The following IL7 variants were observed in gnomAD, a reference collection of about 807,000 sequenced individuals.
IL7 encodes the protein interleukin-7.
In IL7, 3 loss-of-function variants were observed where a neutral mutation model predicts 21.6. The observed-to-expected ratio is 0.14, with a 90% confidence interval of 0.06 to 0.36. IL7 has a LOEUF of 0.36. IL7 is among the 10% of genes least tolerant of loss of function. The probability of loss-of-function intolerance (pLI) is 1.00; values close to 1 mark genes in which losing one functional copy is unlikely to be tolerated. For synonymous variants in IL7, 62 were observed against 68.1 expected (o/e 0.91, Z 0.44); for missense variants, 175 against 200.2 (o/e 0.87, Z 0.76).
At chr8:78,721,772 G>C (rs2919936) in intron 3 of IL7, among the ~76,000 whole-genome samples, 98,401 of 151,188 alleles carry the variant, frequency 0.65, 33,741 homozygotes, top group East Asian at 0.9. Context: ...TTAAATTTAC[G>C]TTAAAAGCCT....
At chr8:78,727,900 ATAAG>A (rs1477208518), downstream of IL7, among the ~76,000 whole-genome samples, 1 of 151,990 alleles carries the variant, frequency 6.6e-6, no homozygotes, top group African/African-American at 2.4e-5. Flanking sequence ...GCTACAACTA[ATAAG>A]TGAGTTTAAT....
intron 3 of IL7, among the ~76,000 whole-genome samples, chr8:78,724,741 C>A (rs904274141): frequency 2.6e-5 from 4 of 151,984 alleles, no homozygotes; most frequent in African/African-American, 9.7e-5. Context: ...TAGCTTTATA[C>A]CCTCTCTGAG....
intron 4 of IL7, among the ~76,000 whole-genome samples, chr8:78,683,010 G>T (rs1157087706): frequency 6.6e-6 from 1 of 152,174 alleles, no homozygotes; most frequent in Non-Finnish European, 1.5e-5. Flanking sequence ...TCACATCCAG[G>T]TCATGCTGGT....
At chr8:78,803,089 T>A (rs910392535) in intron 1 of IL7, among the ~76,000 whole-genome samples, 6 of 152,310 alleles carry the variant, frequency 3.9e-5, no homozygotes, top group Admixed American at 2.6e-4. Flanking sequence ...TTCCATTTTT[T>A]AAAAAAATAT....
At chr8:78,765,804 C>T (rs1812737981) in intron 2 of IL7, among the ~76,000 whole-genome samples, 1 of 152,106 alleles carries the variant, frequency 6.6e-6, no homozygotes, top group Non-Finnish European at 1.5e-5. Flanking sequence ...TCTCTTACGA[C>T]ATAATGCAGC....
downstream of IL7, among the ~76,000 whole-genome samples, chr8:78,731,805 G>GT (rs759099019): frequency 6.6e-6 from 1 of 151,964 alleles, no homozygotes; most frequent in Non-Finnish European, 1.5e-5. Context: ...TGAGTACACT[G>GT]TTTGAGTCCA....
chr8:78,756,237 T>C (rs1812341447), intron 2 of IL7, among the ~76,000 whole-genome samples: 1 of 152,036 alleles, frequency 6.6e-6, no homozygotes, highest in South Asian at 2.1e-4. Context: ...TTTGTTAGTA[T>C]TTTGTTGAGA....
At chr8:78,717,284 A>G (rs1811136020), downstream of IL7, 12 of 1,563,122 alleles carry the variant, frequency 7.7e-6, no homozygotes, top group Non-Finnish European at 9.5e-6. Context: ...GTTGAAAACT[A>G]CTGATACAAA....
chr8:78,740,168 A>T, intron 2 of IL7, 86 bp from the exon 3 acceptor site: 2 of 775,462 alleles, frequency 2.6e-6, no homozygotes, highest in Non-Finnish European at 3.5e-6. Flanking sequence ...ATCTTATAAT[A>T]TCTGATATTT....
intron 2 of IL7, among the ~76,000 whole-genome samples, chr8:78,794,329 C>T (rs977941081): frequency 1.6e-4 from 24 of 152,078 alleles, no homozygotes; most frequent in Admixed American, 1.2e-3. Flanking sequence ...CTTTGATTCA[C>T]GGGCTGAAAA....
chr8:78,687,814 AAT>A (rs1334634175), intron 3 of IL7, among the ~76,000 whole-genome samples: 1 of 132,360 alleles, frequency 7.6e-6, no homozygotes, highest in Non-Finnish European at 1.6e-5. Context: ...TCATGTAATA[AAT>A]ATATATATTC....
intron 3 of IL7, among the ~76,000 whole-genome samples, chr8:78,694,178 T>C (rs1810319335): frequency 6.6e-6 from 1 of 152,174 alleles, no homozygotes; most frequent in Non-Finnish European, 1.5e-5. Flanking sequence ...TTTCCATTAA[T>C]ATTTTCATAG....
intron 3 of IL7, among the ~76,000 whole-genome samples, chr8:78,708,196 C>T (rs1482289484): frequency 1.3e-5 from 2 of 152,254 alleles, no homozygotes; most frequent in South Asian, 4.1e-4. Flanking sequence ...ATAAATTGAG[C>T]ATTCGCTGAG....
At chr8:78,715,252 C>T (rs1231959724), downstream of IL7, 1 of 1,613,868 alleles carries the variant, frequency 6.2e-7, no homozygotes, top group Non-Finnish European at 8.5e-7. Flanking sequence ...TTCCACACCA[C>T]CTAGTTTGGC....
intron 3 of IL7, among the ~76,000 whole-genome samples, chr8:78,687,280 T>C (rs1810014550): frequency 6.6e-6 from 1 of 151,816 alleles, no homozygotes; most frequent in South Asian, 2.1e-4. Context: ...ATGTTAGTAC[T>C]CTAGATTGGG....
At chr8:78,734,576 T>C (rs1428635139) in intron 5 of IL7, among the ~76,000 whole-genome samples, 1 of 152,162 alleles carries the variant, frequency 6.6e-6, no homozygotes, top group East Asian at 1.9e-4. Context: ...GGAGGTGATA[T>C]CAGTTGTTTG....
chr8:78,699,874 G>A (rs888179804), intron 3 of IL7, among the ~76,000 whole-genome samples: 6 of 152,022 alleles, frequency 3.9e-5, no homozygotes, highest in African/African-American at 1.2e-4. Context: ...TATCATTGAT[G>A]GACATTTAGG....
intron 3 of IL7, chr8:78,689,146 C>T: frequency 8.9e-7 from 1 of 1,119,970 alleles, no homozygotes; most frequent in South Asian, 3.2e-5. Context: ...TGAATGACTG[C>T]ATAGAAACTT....
chr8:78,756,129 C>T (rs1812338379), intron 2 of IL7, among the ~76,000 whole-genome samples: 3 of 151,978 alleles, frequency 2.0e-5, no homozygotes, highest in African/African-American at 7.2e-5. Flanking sequence ...TGATGTATCA[C>T]ATTTATTGAT....
Sources: gnomAD v4.1 joint callset for allele counts (sites outside exome capture counted in the v4.1 genomes callset) on GRCh38, gnomAD v4.1.1 for gene constraint, MANE v1.5 for transcripts, NCBI Gene and HGNC (gene_info 2026-07-23, HGNC 2026-07-21) for gene names.